The following KAT6A variants were observed in gnomAD, a reference collection of about 807,000 sequenced individuals.
KAT6A encodes histone acetyltransferase KAT6A.
KAT6A carries 9 observed loss-of-function variants against 198.4 expected under a neutral mutation model. The observed-to-expected ratio is 0.05, with a 90% CI of 0.03 to 0.08. The LOEUF is 0.08. Among genes scored for constraint, KAT6A ranks in the 10% least tolerant of loss-of-function variants. The pLI is 1.00. For synonymous variants in KAT6A, 890 were observed against 883.0 expected (o/e 1.01, Z -0.14); for missense variants, 2,077 against 2,509.9 (o/e 0.83, Z 3.69).
In KAT6A at chr8:41,934,799, C is replaced by G. The variant is rs527742878; in HGVS notation, c.3421G>C (p.Asp1141His). The change falls in exon 17 of 17, where the codon GAT becomes CAT. Residue 1141 changes from aspartate (D) to histidine (H), a missense_variant. By Grantham distance (81) the Asp-to-His change is moderately conservative (BLOSUM62 -1). Transcript: ENST00000265713. ...TTCTTTTTCAAAGGTGTGGATGTAT[C>G]TGGCTCAAGAGGAGAATTCTTCACA... is the stretch of plus-strand genomic sequence containing the variant. ...RDVKNSPLEP[D>H]TSTPLKKKKG... 2.5e-6 allele frequency: 4 copies of G among 1,613,846 alleles called. No individual in the cohort carries two copies. In the African/African-American group the frequency reaches 5.3e-5, roughly 22 times the overall value.
At chr8:42,036,981 A>G (rs545592772) in intron 2 of KAT6A, among the ~76,000 whole-genome samples, 6 of 152,262 alleles carry the variant, frequency 3.9e-5, no homozygotes, top group African/African-American at 1.4e-4. Flanking sequence ...GTTAAAAAGT[A>G]CCTGCTTCTT....
chr8:42,037,329 T>C (rs760140397), intron 2 of KAT6A, among the ~76,000 whole-genome samples: 8 of 152,118 alleles, frequency 5.3e-5, no homozygotes, highest in Non-Finnish European at 1.2e-4. Flanking sequence ...AATAGTAAGT[T>C]AGATATTTAA....
intron 2 of KAT6A, among the ~76,000 whole-genome samples, chr8:42,031,559 C>G (rs548177780): frequency 6.0e-5 from 9 of 149,762 alleles, no homozygotes; most frequent in Admixed American, 2.0e-4. Context: ...ATGAATAATA[C>G]CTATGATTTG....
intron 8 of KAT6A, among the ~76,000 whole-genome samples, chr8:41,965,037 T>C (rs1238935257): frequency 5.9e-5 from 9 of 152,150 alleles, no homozygotes; most frequent in Admixed American, 5.9e-4. Context: ...AACAAATATT[T>C]GAGGACCTAC....
rs1821917087 is a variant in KAT6A, at chr8:41,937,581, G to C, written c.3040-13C>G. ...GGAGAAATGGTTTCTGTTTAATAGA[G>C]AAAGCAAGTATTTACAGTTATGAAC... On this transcript the variant is annotated splice_polypyrimidine_tract_variant and intron_variant, in intron 15 of 16. Transcript: ENST00000265713. 3.8e-6 allele frequency: 6 copies of C among 1,589,032 alleles called. No individual in the cohort carries two copies. The highest frequency in any genetic ancestry group is 5.1e-6 in the Non-Finnish European group (6 of 1,166,676).
rs140298853 is a variant in KAT6A at position 41,975,770 on chromosome 8, A to G, written c.1364-948T>C. 5.1e-4 allele frequency among the ~76,000 whole-genome samples: 77 copies of G among 152,344 alleles called. 1 individual carries two copies. In the East Asian group the frequency reaches 0.012, roughly 24 times the overall value. ...GCAAACGCTCACACCACTGTCAAAA[A>G]TTCAATATTGGTTCTCCATATACTT... On this transcript the variant is annotated intron_variant, in intron 7 of 16. Transcript: ENST00000265713.
At chr8:42,030,588 A>G (rs1446154662) in intron 2 of KAT6A, among the ~76,000 whole-genome samples, 1 of 151,172 alleles carries the variant, frequency 6.6e-6, no homozygotes, top group Non-Finnish European at 1.5e-5. Context: ...TTTTTGAGAC[A>G]CAGTTTTGTT....
chr8:42,006,007 G>A (rs958445298), intron 2 of KAT6A, among the ~76,000 whole-genome samples: 7 of 152,132 alleles, frequency 4.6e-5, no homozygotes, highest in Non-Finnish European at 1.0e-4. Flanking sequence ...GAGCTGATCT[G>A]GTCCCTGACA....
In KAT6A at chr8:42,048,497, G is replaced by A. The variant is rs1378276794; in HGVS notation, c.481C>T (p.Leu161Phe). ...IKRAIGHGRL[L>F]KDGPLYRLNT... is the part of the protein sequence containing the mutation. ...AGCCGATAAAGAGGTCCATCTTTAAGGAGTCTGCCGTGGCCAATGGCACGT... is the reference window on the plus strand; with the variant it reads ...AGCCGATAAAGAGGTCCATCTTTAAAGAGTCTGCCGTGGCCAATGGCACGT... The change falls in exon 2 of 17, where the codon CTT (leucine) becomes TTT (phenylalanine). Residue 161 changes from leucine to phenylalanine, a missense_variant. By Grantham distance (22) the Leu-to-Phe change is conservative (BLOSUM62 0). This residue lies in a region of KAT6A where 185 missense variants were observed against 185.7 expected (regional missense o/e 1.00). Coordinates refer to ENST00000265713, the MANE Select transcript of KAT6A (RefSeq NM_006766.5). 3.7e-6 allele frequency: 6 copies of A among 1,614,046 alleles called. No homozygotes were observed. The highest frequency in any genetic ancestry group is 4.2e-6 in the Non-Finnish European group (5 of 1,180,020).
At chr8:42,038,890 A>G (rs1827504672) in intron 2 of KAT6A, among the ~76,000 whole-genome samples, 1 of 152,156 alleles carries the variant, frequency 6.6e-6, no homozygotes, top group African/African-American at 2.4e-5. Context: ...AGAATGGCAT[A>G]CTACTATAAT....
At chr8:42,022,331 A>T (rs991030310) in intron 2 of KAT6A, among the ~76,000 whole-genome samples, 5 of 152,084 alleles carry the variant, frequency 3.3e-5, no homozygotes, top group Non-Finnish European at 5.9e-5. Flanking sequence ...CTTTCAAATC[A>T]GACCCAGCAA....
At chr8:41,934,964 T>C (rs1821779016) in intron 16 of KAT6A, 97 bp from the exon 17 acceptor site, 3 of 980,984 alleles carry the variant, frequency 3.1e-6, no homozygotes, top group South Asian at 1.7e-5. Flanking sequence ...AATGACTTTA[T>C]TAATCATTAC....
chr8:41,964,655 C>CT (rs1341219593), intron 8 of KAT6A, among the ~76,000 whole-genome samples: 1 of 144,962 alleles, frequency 6.9e-6, no homozygotes, highest in Non-Finnish European at 1.5e-5. Context: ...AAATCAAAAT[C>CT]CAAAACACTT....
Position 42,049,224 on chromosome 8 carries a change from A to G in KAT6A, c.-247T>C, listed in dbSNP as rs1468584281. 1.3e-5 allele frequency: 6 copies of G among 461,620 alleles called. No homozygotes were observed. The highest frequency in any genetic ancestry group is 2.3e-5 in the Non-Finnish European group (6 of 262,056). 28.6% of individuals were successfully genotyped at this position (461,620 alleles called of 1,614,324 possible). A position where few individuals can be genotyped will look rare whatever the true frequency, so the allele number is the denominator to read the frequency against. ...AATGAATTTCTCAATAGCACCACAC[A>G]TGGGTCTCGTCATAAAGTTGTAAGA... On this transcript the variant is annotated 5_prime_UTR_variant, in exon 2 of 17. The change abolishes an upstream ATG in the 5' untranslated region. Coordinates refer to ENST00000265713, the MANE Select transcript of KAT6A (RefSeq NM_006766.5).
intron 2 of KAT6A, among the ~76,000 whole-genome samples, chr8:42,025,436 C>G (rs749607291): frequency 6.5e-5 from 5 of 76,486 alleles, no homozygotes; most frequent in African/African-American, 4.3e-4. Context: ...TGGTCTCGAA[C>G]TCCTACACCT....
intron 1 of KAT6A, chr8:42,049,758 C>G (rs929449455): frequency 2.6e-5 from 4 of 152,114 alleles, no homozygotes; most frequent in African/African-American, 9.7e-5. Flanking sequence ...TCTAGACATT[C>G]AGAGTAGACA....
intron 2 of KAT6A, among the ~76,000 whole-genome samples, chr8:41,990,520 G>A (rs953312830): frequency 3.3e-5 from 5 of 152,036 alleles, no homozygotes; most frequent in African/African-American, 2.4e-5. Context: ...AGGAAGAGGC[G>A]GACAGTTCAA....
chr8:41,933,862 C>T lies in KAT6A; in HGVS notation c.4358G>A (p.Cys1453Tyr). Residue 1453 changes from cysteine to tyrosine, a missense_variant, in exon 17 of 17, where the codon TGT (cysteine) becomes TAT (tyrosine). Coordinates refer to ENST00000265713, the MANE Select transcript of KAT6A (RefSeq NM_006766.5). The surrounding 1 kb of genome is among the most constrained non-coding windows in gnomAD (Gnocchi z 6.2). Reference sequence around the variant, plus strand: ...CTGGGTGTAACTCTGCAGGGTCTGACACGCCGCAAGAGTTTCCTCACAGTC... The same window carrying T: ...CTGGGTGTAACTCTGCAGGGTCTGATACGCCGCAAGAGTTTCCTCACAGTC... Reference protein sequence around the residue: ...YQDCEETLAACQTLQSYTQAD... With the variant: ...YQDCEETLAAYQTLQSYTQAD... The T allele has an allele frequency of 6.2e-7, 1 of 1,614,176 alleles. No homozygotes were observed. The highest frequency in any genetic ancestry group is 8.5e-7 in the Non-Finnish European group (1 of 1,180,024).
At chr8:41,942,761 T>C in intron 14 of KAT6A, 32 bp downstream of exon 14, 2 of 1,604,240 alleles carry the variant, frequency 1.2e-6, no homozygotes, top group Non-Finnish European at 1.7e-6. Flanking sequence ...ATATCTTCTG[T>C]CATCAAAAAT....
Sources: gnomAD v4.1 joint callset for allele counts (sites outside exome capture counted in the v4.1 genomes callset) on GRCh38, gnomAD v4.1.1 for gene constraint, gnomAD v4.1.1 regional missense constraint, Gnocchi (gnomAD v3.1) non-coding constraint, MANE v1.5 for transcripts, NCBI Gene and HGNC (gene_info 2026-07-23, HGNC 2026-07-21) for gene names.